KIAA0825: variants seen among roughly 807,000 people sequenced by gnomAD.
KIAA0825 encodes KIAA0825.
KIAA0825 carries 119 observed loss-of-function variants against 147.6 expected under a neutral mutation model. That is an observed-to-expected ratio of 0.81 (90% CI 0.69 to 0.94). The LOEUF (loss-of-function observed/expected upper bound fraction) is 0.94. Among genes scored for constraint, KIAA0825 ranks in the 40% least tolerant of loss-of-function variants. The pLI is 0.00. For missense variants in KIAA0825, 1,381 were observed against 1,472.7 expected, an observed-to-expected ratio of 0.94 and a Z score of 1.02; for synonymous variants, 470 against 518.1, an observed-to-expected ratio of 0.91 and a Z score of 1.26.
rs1450254560 is a variant in KIAA0825, at chr5:94,609,230, A to T, written c.-153+9270T>A. Among the ~76,000 whole-genome samples the T allele has an allele frequency of 2.0e-5, 3 of 152,218 alleles. No homozygotes were observed. The East Asian group carries it at 5.8e-4, about 29-fold the overall frequency. ...CTTATTACTTCAACCAAAACAATAT[A>T]TCACCAAAGACTGAATGCAGGAGCA... On this transcript the variant is annotated intron_variant, in intron 1 of 20. Transcript: ENST00000682413.
At chr5:94,302,029 A>G (rs1380647297) in intron 20 of KIAA0825, among the ~76,000 whole-genome samples, 1 of 152,114 alleles carries the variant, frequency 6.6e-6, no homozygotes, top group African/African-American at 2.4e-5. Context: ...ATAAAAGGTG[A>G]TTGTTCATTT....
At chr5:94,521,074 G>A (rs1019293702) in intron 4 of KIAA0825, among the ~76,000 whole-genome samples, 157 bp from the exon 5 acceptor site, 6 of 151,756 alleles carry the variant, frequency 4.0e-5, no homozygotes, top group Non-Finnish European at 8.9e-5. Context: ...CAATTCAGAT[G>A]TTTTAGAATG....
At chr5:94,601,064 C>T (rs1168530770) in intron 1 of KIAA0825, among the ~76,000 whole-genome samples, 1 of 152,148 alleles carries the variant, frequency 6.6e-6, no homozygotes, top group Non-Finnish European at 1.5e-5. Flanking sequence ...AGTACCGCAG[C>T]ACAGCATGGC....
Position 94,218,293 on chromosome 5 carries a change from C to T in KIAA0825, c.3711-64169G>A, listed in dbSNP as rs371681432. On this transcript the variant is annotated intron_variant, in intron 20 of 20. Transcript: ENST00000682413. ...TTTCTCATGCTTTTCTTCCCTGTGC[C>T]TTGAACACCTTTGCTTCTGTTTTTT... Among the ~76,000 whole-genome samples the T allele has an allele frequency of 4.6e-5, 7 of 152,248 alleles. No homozygotes were observed. In the East Asian group the frequency reaches 5.8e-4, roughly 13 times the overall value.
At position 94,311,599 on chromosome 5, in the gene KIAA0825, C is replaced by T. The variant is rs10043743; in HGVS notation, c.3710+72769G>A. 7.4e-3 allele frequency among the ~76,000 whole-genome samples: 1,116 copies of T among 151,650 alleles called. 21 individuals are homozygous for T. Among genetic ancestry groups the T allele is most frequent in the African/African-American group, 0.026 (1,077 of 41,452 alleles). On this transcript the variant is annotated intron_variant, in intron 20 of 20. Coordinates refer to ENST00000682413, the MANE Select transcript of KIAA0825 (RefSeq NM_001145678.3). ...TTTAGAAAGTCTCTAAGATCAAAAG[C>T]TTTTCACTGTAGATAAAATTTCTTT... is the stretch of plus-strand genomic sequence containing the variant.
intron 2 of KIAA0825, among the ~76,000 whole-genome samples, chr5:94,559,254 A>G (rs1454559573): frequency 6.6e-6 from 1 of 152,222 alleles, no homozygotes; most frequent in Non-Finnish European, 1.5e-5. Flanking sequence ...TATGTTTTCA[A>G]TAAAACAATT....
At chr5:94,302,026 G>A (rs965885673) in intron 20 of KIAA0825, among the ~76,000 whole-genome samples, 1 of 152,118 alleles carries the variant, frequency 6.6e-6, no homozygotes, top group East Asian at 1.9e-4. Flanking sequence ...GGCATAAAAG[G>A]TGATTGTTCA....
At chr5:94,358,768 C>G (rs901313566) in intron 20 of KIAA0825, among the ~76,000 whole-genome samples, 1 of 152,190 alleles carries the variant, frequency 6.6e-6, no homozygotes, top group Non-Finnish European at 1.5e-5. Flanking sequence ...AGGGTACTTG[C>G]ATAATATTCT....
At chr5:94,364,298 T>C (rs1745500009) in intron 20 of KIAA0825, among the ~76,000 whole-genome samples, 1 of 151,684 alleles carries the variant, frequency 6.6e-6, no homozygotes, top group Admixed American at 6.6e-5. Flanking sequence ...TGACAGTCAG[T>C]GCAAGCAGAA....
chr5:94,600,887 C>T (rs1309372792), intron 1 of KIAA0825, among the ~76,000 whole-genome samples: 1 of 152,188 alleles, frequency 6.6e-6, no homozygotes, highest in African/African-American at 2.4e-5. Flanking sequence ...CAGCCACTCC[C>T]ACTGACATTC....
chr5:94,600,552 T>C (rs1225140484), intron 1 of KIAA0825, among the ~76,000 whole-genome samples: 1 of 152,190 alleles, frequency 6.6e-6, no homozygotes, highest in African/African-American at 2.4e-5. Context: ...TATGTCTCTT[T>C]CTTTCTCCAA....
intron 20 of KIAA0825, among the ~76,000 whole-genome samples, chr5:94,261,304 C>A (rs1008916180): frequency 2.0e-5 from 3 of 151,026 alleles, no homozygotes; most frequent in African/African-American, 7.3e-5. Context: ...GAGTCTGTTT[C>A]AAAAAAAATA....
intron 2 of KIAA0825, among the ~76,000 whole-genome samples, chr5:94,564,409 G>A (rs1431504162): frequency 1.6e-5 from 2 of 121,326 alleles, no homozygotes; most frequent in African/African-American, 6.7e-5. Context: ...TGTGTGTGAT[G>A]GAGATGAGGT....
chr5:94,352,561 A>C (rs951797713), intron 20 of KIAA0825, among the ~76,000 whole-genome samples: 11 of 152,202 alleles, frequency 7.2e-5, no homozygotes, highest in African/African-American at 2.7e-4. Context: ...CAGCAATCCC[A>C]CTACTGTATA....
chr5:94,259,883 C>A (rs1274437295), intron 20 of KIAA0825, among the ~76,000 whole-genome samples: 1 of 151,910 alleles, frequency 6.6e-6, no homozygotes, highest in East Asian at 1.9e-4. Context: ...CACTTCAAGT[C>A]ACTCAGCATG....
At chr5:94,407,444 C>G (rs917157839) in intron 15 of KIAA0825, among the ~76,000 whole-genome samples, 1 of 152,188 alleles carries the variant, frequency 6.6e-6, no homozygotes, top group African/African-American at 2.4e-5. Context: ...GGAAACAACA[C>G]AAATTCCCAT....
At chr5:94,206,836 C>T (rs912312444) in intron 20 of KIAA0825, among the ~76,000 whole-genome samples, 1 of 152,128 alleles carries the variant, frequency 6.6e-6, no homozygotes, top group Non-Finnish European at 1.5e-5. Flanking sequence ...CTTTCTTCCA[C>T]CCTCAAGTGA....
intron 20 of KIAA0825, among the ~76,000 whole-genome samples, chr5:94,289,398 G>C (rs1379575555): frequency 6.6e-6 from 1 of 151,938 alleles, no homozygotes; most frequent in African/African-American, 2.4e-5. Flanking sequence ...AACCGGGCAT[G>C]GTGGCGGACA....
chr5:94,377,252 T>C (rs1747717315), intron 20 of KIAA0825, among the ~76,000 whole-genome samples: 2 of 152,214 alleles, frequency 1.3e-5, no homozygotes, highest in Non-Finnish European at 1.5e-5. Context: ...TCATATTTAA[T>C]TGTGTTTGCT....
Sources: allele counts gnomAD v4.1 joint callset (sites outside exome capture counted in the v4.1 genomes callset), GRCh38; gene constraint gnomAD v4.1.1; transcripts MANE v1.5; gene names NCBI Gene and HGNC (gene_info 2026-07-23, HGNC 2026-07-21).